Variants in MERTK observed in about 807,000 individuals in gnomAD.
MERTK encodes tyrosine-protein kinase Mer.
Under a neutral mutation model 99.3 loss-of-function variants are expected in MERTK, and 69 were observed. The ratio of observed to expected loss-of-function variants is 0.70; its 90% CI spans 0.57 to 0.85. The LOEUF (loss-of-function observed/expected upper bound fraction) is 0.85. MERTK is among the 40% of genes least tolerant of loss of function. The pLI, the probability that MERTK is intolerant of heterozygous loss-of-function variation, is 0.00. For missense variants in MERTK, 1,125 were observed against 1,249.4 expected, an observed-to-expected ratio of 0.90 and a Z score of 1.50; for synonymous variants, 426 against 467.6, an observed-to-expected ratio of 0.91 and a Z score of 1.15.
rs1553446655 is a variant in MERTK, at chr2:111,925,293, T to TATATA, written c.62-3827_62-3826insATATA. Among the ~76,000 whole-genome samples the TATATA allele has an allele frequency of 3.1e-3, 91 of 29,650 alleles. 4 individuals are homozygous for TATATA. The highest frequency in any genetic ancestry group is 0.011 in the African/African-American group (75 of 6,592). 19.5% of individuals were successfully genotyped at this position (29,650 alleles called of 152,430 possible). On this transcript the variant is annotated intron_variant, in intron 1 of 18. Transcript: ENST00000295408. ...CAGATCAGATATATATATATATATATTTTTTTTTTTTTTTTTTTTTTTTTT... is the reference window on the plus strand; with the variant it reads ...CAGATCAGATATATATATATATATATATATATTTTTTTTTTTTTTTTTTTTTTTTT...
intron 6 of MERTK, among the ~76,000 whole-genome samples, chr2:111,974,818 G>GAA (rs1558793052): frequency 8.2e-5 from 6 of 73,546 alleles, no homozygotes; most frequent in Non-Finnish European, 2.3e-4. Context: ...AAAAGAAAAA[G>GAA]AAAGCAAGAA....
At chr2:112,019,335 T>G (rs770120223) in intron 15 of MERTK, 78 bp from the exon 16 acceptor site, 22 of 1,022,322 alleles carry the variant, frequency 2.2e-5, no homozygotes, top group Non-Finnish European at 3.3e-5. Flanking sequence ...AAAGCATCCT[T>G]TCCCCCCCCG....
intron 7 of MERTK, among the ~76,000 whole-genome samples, chr2:111,978,786 G>A (rs1676309016): frequency 6.6e-6 from 1 of 152,136 alleles, no homozygotes. Context: ...TACAGTGTTG[G>A]ATGCTAGATA....
chr2:112,010,573 G>A (rs1026378020), intron 15 of MERTK, among the ~76,000 whole-genome samples: 5 of 152,126 alleles, frequency 3.3e-5, no homozygotes, highest in Admixed American at 3.3e-4. Context: ...GAAGCCCTGG[G>A]AATGTTGGAT....
intron 1 of MERTK, among the ~76,000 whole-genome samples, chr2:111,905,292 AC>A (rs1199772404): frequency 6.6e-6 from 1 of 152,126 alleles, no homozygotes; most frequent in African/African-American, 2.4e-5. Flanking sequence ...TCTGACAGGC[AC>A]TAGGATCTAG....
chr2:111,928,400 G>T (rs1407635499), intron 1 of MERTK, among the ~76,000 whole-genome samples: 1 of 150,882 alleles, frequency 6.6e-6, no homozygotes, highest in Non-Finnish European at 1.5e-5. Context: ...TAATTTTTGG[G>T]GTGGTTTTTT....
In MERTK at chr2:111,973,308, G is replaced by A. The variant is rs369338859; in HGVS notation, c.961-1981G>A. ...GGTGGTTGGTCACCAGGAAGTAGGTGCACACTCTAAAGTGAAACAAACAAA... is the reference window on the plus strand; with the variant it reads ...GGTGGTTGGTCACCAGGAAGTAGGTACACACTCTAAAGTGAAACAAACAAA... On this transcript the variant is annotated intron_variant, in intron 6 of 18. Coordinates refer to ENST00000295408, the MANE Select transcript of MERTK (RefSeq NM_006343.3). Among the ~76,000 whole-genome samples, 6 of 152,182 alleles carry A rather than the reference G, an allele frequency of 3.9e-5. No individual in the cohort carries two copies. In the East Asian group the frequency reaches 5.8e-4, roughly 15 times the overall value.
chr2:111,929,661 A>T (rs1221477045), intron 2 of MERTK, 121 bp downstream of exon 2: 3 of 760,408 alleles, frequency 3.9e-6, no homozygotes, highest in Non-Finnish European at 5.7e-6. Context: ...ATCTCAGCTC[A>T]TTGCAACCTC....
At chr2:111,919,193 GC>G (rs1173149211) in intron 1 of MERTK, among the ~76,000 whole-genome samples, 2 of 152,090 alleles carry the variant, frequency 1.3e-5, no homozygotes, top group Non-Finnish European at 2.9e-5. Context: ...TCAAACCTGG[GC>G]CCTCTGCATG....
At chr2:112,000,702 A>G (rs532661138) in intron 10 of MERTK, among the ~76,000 whole-genome samples, 6 of 152,250 alleles carry the variant, frequency 3.9e-5, no homozygotes, top group African/African-American at 1.4e-4. Context: ...TCTACCATGA[A>G]GTTATTTTTT....
chr2:111,904,732 G>A, intron 1 of MERTK, among the ~76,000 whole-genome samples: 1 of 152,166 alleles, frequency 6.6e-6, no homozygotes, highest in Middle Eastern at 3.2e-3. Context: ...AGGTCAGTTG[G>A]CTGCAACATA....
chr2:112,000,298 C>T (rs1234878316), intron 10 of MERTK, among the ~76,000 whole-genome samples: 2 of 152,206 alleles, frequency 1.3e-5, no homozygotes, highest in Non-Finnish European at 1.5e-5. Flanking sequence ...GATCCATTGT[C>T]ATTAACTAAC....
intron 12 of MERTK, 49 bp from the exon 13 acceptor site, chr2:112,003,855 C>A: frequency 1.4e-6 from 2 of 1,462,266 alleles, no homozygotes; most frequent in South Asian, 1.1e-5. Flanking sequence ...TTTCTGTGGT[C>A]AGGGAAGAGT....
At chr2:112,003,436 GA>G in intron 12 of MERTK, 3 of 369,556 alleles carry the variant, frequency 8.1e-6, no homozygotes, top group South Asian at 6.4e-5. Flanking sequence ...TTTCTTCATT[GA>G]AAAGCATGTA....
At chr2:111,918,401 G>A (rs1684392071) in intron 1 of MERTK, among the ~76,000 whole-genome samples, 2 of 152,338 alleles carry the variant, frequency 1.3e-5, no homozygotes, top group South Asian at 2.1e-4. Context: ...GGAGTGGCAT[G>A]ATGGAAAAGT....
At chr2:111,997,279 T>C in intron 9 of MERTK, 44 bp from the exon 10 acceptor site, 1 of 1,598,052 alleles carries the variant, frequency 6.3e-7, no homozygotes, top group Non-Finnish European at 8.6e-7. Context: ...CCAGTGTTTC[T>C]CATATATTTC....
Position 111,965,284 on chromosome 2 carries a change from A to T in MERTK, c.844+7A>T, listed in dbSNP as rs1685339161. 2 of 1,613,856 alleles carry T rather than the reference A, an allele frequency of 1.2e-6. No individual in the cohort carries two copies. Among genetic ancestry groups the T allele is most frequent in the Admixed American group, 1.7e-5 (1 of 60,006 alleles). On this transcript the variant is annotated splice_region_variant and intron_variant, in intron 5 of 18. Transcript: ENST00000295408. ...GTGCAGATCAACATCAAAGGTAAGC[A>T]GCAAGGCTAGGCTCCCCATGCATGT...
chr2:112,004,962 C>T (rs567299557), intron 13 of MERTK, among the ~76,000 whole-genome samples: 2 of 152,080 alleles, frequency 1.3e-5, no homozygotes, highest in Non-Finnish European at 2.9e-5. Context: ...AGAAAGTTCA[C>T]TTTGATGTCA....
Position 112,023,436 on chromosome 2 carries a change from A to G in MERTK, c.2486+1042A>G, listed in dbSNP as rs141803199. Among the ~76,000 whole-genome samples, 13 of 152,136 alleles carry G rather than the reference A, an allele frequency of 8.5e-5. 1 individual carries two copies. The East Asian group carries it at 2.5e-3, about 29-fold the overall frequency. On this transcript the variant is annotated intron_variant, in intron 18 of 18. Transcript: ENST00000295408. ...CTCAAAAAAAATAAAAAATAATAAA[A>G]TAATAAAATAAAGTGCTCCCTGAGA...
Sources: allele counts gnomAD v4.1 joint callset (sites outside exome capture counted in the v4.1 genomes callset), GRCh38; gene constraint gnomAD v4.1.1; transcripts MANE v1.5; gene names NCBI Gene and HGNC (gene_info 2026-07-23, HGNC 2026-07-21).